The following RAPGEF1 variants were observed in gnomAD, a reference collection of about 807,000 sequenced individuals.
RAPGEF1 encodes the protein Rap guanine nucleotide exchange factor 1.
Under a neutral mutation model 143.3 loss-of-function variants are expected in RAPGEF1, and 33 were observed. That is an observed-to-expected ratio of 0.23 (90% CI 0.17 to 0.31). The LOEUF is 0.31. RAPGEF1 is among the 10% of genes least tolerant of loss of function. The pLI is 1.00. For synonymous variants in RAPGEF1, 629 were observed against 676.5 expected, an observed-to-expected ratio of 0.93 and a Z score of 1.09; for missense variants, 1,199 against 1,645.4, an observed-to-expected ratio of 0.73 and a Z score of 4.69.
intron 18 of RAPGEF1, among the ~76,000 whole-genome samples, chr9:131,590,549 C>T (rs567302113): frequency 3.9e-5 from 6 of 152,330 alleles, no homozygotes; most frequent in Non-Finnish European, 5.9e-5. Flanking sequence ...TTCAAGCACC[C>T]GATCAGCTCT....
chr9:131,689,835 G>T (rs908579015), intron 1 of RAPGEF1, among the ~76,000 whole-genome samples: 1 of 152,234 alleles, frequency 6.6e-6, no homozygotes, highest in African/African-American at 2.4e-5. Context: ...ACCGCGCTTG[G>T]CCAGTAACTT....
At position 131,579,429 on chromosome 9, in the gene RAPGEF1, G is replaced by C; in HGVS notation, c.*68C>G. The C allele has an allele frequency of 2.6e-6, 4 of 1,567,646 alleles. No individual in the cohort carries two copies. In the South Asian group the frequency reaches 3.5e-5, roughly 14 times the overall value. Reference sequence around the variant, plus strand: ...CCTGCCATGCGCCTAACAGGTCCAAGGTCCTCTCCGGTCTGGGAGCTGCCC... The same window carrying C: ...CCTGCCATGCGCCTAACAGGTCCAACGTCCTCTCCGGTCTGGGAGCTGCCC... On this transcript the variant is annotated 3_prime_UTR_variant, in exon 27 of 27. Transcript: ENST00000683357.
At chr9:131,590,623 G>A (rs993056700) in intron 18 of RAPGEF1, among the ~76,000 whole-genome samples, 1 of 152,178 alleles carries the variant, frequency 6.6e-6, no homozygotes, top group African/African-American at 2.4e-5. Flanking sequence ...TGTTGTGCTC[G>A]CCATCGACTC....
intron 1 of RAPGEF1, among the ~76,000 whole-genome samples, chr9:131,711,112 G>A (rs923760885): frequency 1.1e-4 from 17 of 151,074 alleles, no homozygotes; most frequent in Admixed American, 5.3e-4. Context: ...GTGCAGTGGT[G>A]CAATCATGGC....
chr9:131,594,589 C>T (rs1260045386), intron 17 of RAPGEF1, among the ~76,000 whole-genome samples: 1 of 152,214 alleles, frequency 6.6e-6, no homozygotes, highest in Non-Finnish European at 1.5e-5. Flanking sequence ...GATGCACCTG[C>T]CCAAGGAGCT....
chr9:131,585,372 C>G (rs1356357389), intron 22 of RAPGEF1, among the ~76,000 whole-genome samples: 2 of 149,612 alleles, frequency 1.3e-5, no homozygotes, highest in African/African-American at 4.9e-5. Flanking sequence ...AGGGGGGGGG[C>G]GTCTCTCTAT....
chr9:131,672,548 G>A (rs939771303), intron 1 of RAPGEF1, among the ~76,000 whole-genome samples: 5 of 152,326 alleles, frequency 3.3e-5, no homozygotes, highest in Admixed American at 3.3e-4. Context: ...AGTGTGAGAA[G>A]CACTGTTTCA....
chr9:131,694,163 C>G (rs1306555494), intron 1 of RAPGEF1, among the ~76,000 whole-genome samples: 5 of 152,166 alleles, frequency 3.3e-5, no homozygotes, highest in Non-Finnish European at 5.9e-5. Context: ...CTCTGACTTA[C>G]CCTTCAGATC....
intron 15 of RAPGEF1, among the ~76,000 whole-genome samples, chr9:131,601,170 T>C (rs1588335431): frequency 4.4e-5 from 1 of 22,972 alleles, no homozygotes; most frequent in African/African-American, 1.4e-4. Flanking sequence ...AGACTCCGTC[T>C]CAAAAAAAAA....
intron 10 of RAPGEF1, 70 bp downstream of exon 10, chr9:131,625,852 C>CTGAA (rs1296836289): frequency 1.3e-6 from 2 of 1,491,852 alleles, no homozygotes; most frequent in East Asian, 4.6e-5. Context: ...TGGTCTAATG[C>CTGAA]TGAAATAAAA....
intron 11 of RAPGEF1, among the ~76,000 whole-genome samples, chr9:131,619,795 A>G (rs908962381): frequency 6.6e-6 from 1 of 152,182 alleles, no homozygotes; most frequent in African/African-American, 2.4e-5. Context: ...GGTGTGTGTA[A>G]TGAGCACCAT....
At chr9:131,674,278 G>A (rs1243317294) in intron 1 of RAPGEF1, among the ~76,000 whole-genome samples, 1 of 152,106 alleles carries the variant, frequency 6.6e-6, no homozygotes, top group East Asian at 1.9e-4. Context: ...AATCGGGGGT[G>A]CTTCAAATGG....
intron 1 of RAPGEF1, among the ~76,000 whole-genome samples, chr9:131,722,976 T>C (rs1301069851): frequency 6.6e-6 from 1 of 152,224 alleles, no homozygotes; most frequent in Non-Finnish European, 1.5e-5. Context: ...GGCAGATCAC[T>C]TGACATCAGG....
At chr9:131,587,177 G>T in intron 22 of RAPGEF1, among the ~76,000 whole-genome samples, 1 of 68,084 alleles carries the variant, frequency 1.5e-5, no homozygotes, top group Non-Finnish European at 3.0e-5. Flanking sequence ...GCGAGACTCC[G>T]TCTCAAACAC....
chr9:131,629,201 G>C lies in RAPGEF1; in HGVS notation c.794C>G (p.Thr265Ser). 6.2e-7 allele frequency: 1 copy of C among 1,614,006 alleles called. No homozygotes were observed. The highest frequency in any genetic ancestry group is 8.5e-7 in the Non-Finnish European group (1 of 1,179,864). ...GAGCTCAGTTGACTGTGACATCCCA[G>C]TCGTCTTGTTTAGGATCTCTACCTC... Reference protein sequence around the residue: ...DREVEILNKTTGMSQSTELLP... With the variant: ...DREVEILNKTSGMSQSTELLP... The change falls in exon 7 of 27, where the codon ACT becomes AGT. Residue 265 changes from threonine to serine, a missense_variant. Thr to Ser is a moderately conservative substitution (Grantham distance 58, BLOSUM62 1). Around this residue, in one of 6 missense-constraint regions of RAPGEF1, gnomAD observed 613 missense variants for 710.9 expected, o/e 0.86. Coordinates refer to ENST00000683357, the MANE Select transcript of RAPGEF1 (RefSeq NM_001377935.1).
rs748224459 is a variant in RAPGEF1, at chr9:131,628,690, G to A, written c.894-18C>T. ...GTGGAGGACTGAAACAGACCGAAAC[G>A]TCCAGGCAGACCAAACCACACTCAC... On this transcript the variant is annotated intron_variant, in intron 7 of 26. Transcript: ENST00000683357. This position sits in a 1 kb window ranked among gnomAD's most constrained non-coding sequence, Gnocchi z 5.7. 16 of 1,582,986 alleles carry A rather than the reference G, an allele frequency of 1.0e-5. 1 individual carries two copies. Among genetic ancestry groups the A allele is most frequent in the Middle Eastern group, 3.4e-4 (2 of 5,964 alleles).
At chr9:131,591,788 T>C (rs1954319806) in intron 18 of RAPGEF1, among the ~76,000 whole-genome samples, 2 of 152,216 alleles carry the variant, frequency 1.3e-5, no homozygotes, top group African/African-American at 4.8e-5. Context: ...CTGGGGCATG[T>C]CTAATTCGTT....
At chr9:131,694,793 CT>C (rs988979713) in intron 1 of RAPGEF1, among the ~76,000 whole-genome samples, 2 of 118,676 alleles carry the variant, frequency 1.7e-5, no homozygotes, top group African/African-American at 7.2e-5. Context: ...CACCTTCACA[CT>C]TTCTTTTTTT....
At chr9:131,591,178 C>T (rs1450471900) in intron 18 of RAPGEF1, among the ~76,000 whole-genome samples, 1 of 152,186 alleles carries the variant, frequency 6.6e-6, no homozygotes, top group Non-Finnish European at 1.5e-5. Flanking sequence ...AGGATGTCCA[C>T]GTCTGTCTTG....
Sources: allele counts gnomAD v4.1 joint callset (sites outside exome capture counted in the v4.1 genomes callset), GRCh38; gene constraint gnomAD v4.1.1; regional missense constraint gnomAD v4.1.1; non-coding constraint Gnocchi (gnomAD v3.1); transcripts MANE v1.5; gene names NCBI Gene and HGNC (gene_info 2026-07-23, HGNC 2026-07-21).